The following DLGAP2 variants were observed in gnomAD, a reference collection of about 807,000 sequenced individuals.
DLGAP2 encodes disks large-associated protein 2.
A neutral mutation model predicts 100.3 loss-of-function variants in DLGAP2; 26 were observed. The ratio of observed to expected loss-of-function variants is 0.26; its 90% confidence interval spans 0.19 to 0.36. DLGAP2 has a LOEUF of 0.36. Ranked by LOEUF, DLGAP2 falls within the 10% of genes least tolerant of loss-of-function variation. DLGAP2 has a pLI of 1.00. For missense variants in DLGAP2, 1,858 were observed against 1,453.2 expected (o/e 1.28, Z -4.53); for synonymous variants, 886 against 630.1 (o/e 1.41, Z -6.08).
At chr8:931,976 T>C (rs1370959015) in intron 2 of DLGAP2, among the ~76,000 whole-genome samples, 2 of 152,226 alleles carry the variant, frequency 1.3e-5, no homozygotes, top group East Asian at 1.9e-4. Context: ...GTTTGCCTCA[T>C]GTACGTTTTA....
At chr8:766,092 G>A (rs1457016059) in intron 1 of DLGAP2, among the ~76,000 whole-genome samples, 4 of 152,124 alleles carry the variant, frequency 2.6e-5, no homozygotes, top group East Asian at 1.9e-4. Context: ...GCTTGAACCC[G>A]GGAAGCGGAG....
At chr8:780,504 G>T (rs1821654523) in intron 1 of DLGAP2, among the ~76,000 whole-genome samples, 1 of 152,116 alleles carries the variant, frequency 6.6e-6, no homozygotes, top group South Asian at 2.1e-4. Context: ...GGGATTGCTG[G>T]GTCTTGTGCT....
chr8:1,172,468 C>T (rs1797149683), intron 2 of DLGAP2, among the ~76,000 whole-genome samples: 1 of 152,152 alleles, frequency 6.6e-6, no homozygotes, highest in Non-Finnish European at 1.5e-5. Flanking sequence ...GGATAATATC[C>T]TGCAGAGTGT....
intron 2 of DLGAP2, among the ~76,000 whole-genome samples, chr8:1,156,415 C>T (rs1187893216): frequency 1.3e-5 from 2 of 152,212 alleles, no homozygotes; most frequent in African/African-American, 4.8e-5. Context: ...GGCCGTGGCA[C>T]ACACAGTGTC....
chr8:968,303 C>A (rs530155328), intron 2 of DLGAP2, among the ~76,000 whole-genome samples: 22 of 152,148 alleles, frequency 1.4e-4, no homozygotes, highest in African/African-American at 5.3e-4. Flanking sequence ...TTTCAGCTAC[C>A]GACCCACCTA....
In DLGAP2 at chr8:846,920, A is replaced by G. The variant is rs190408221; in HGVS notation, c.19-60992A>G. On this transcript the variant is annotated intron_variant, in intron 1 of 14. Transcript: ENST00000637795. ...GTTTAGGGTTATTCTATCCATCTTC[A>G]GACATGATACTAGCCTGTAATTCTT... 4.5e-3 allele frequency among the ~76,000 whole-genome samples: 690 copies of G among 152,324 alleles called. 1 individual carries two copies. Among genetic ancestry groups the G allele is most frequent in the Non-Finnish European group, 7.3e-3 (499 of 68,038 alleles).
chr8:1,385,541 G>A lies in DLGAP2; in HGVS notation c.107-115825G>A, dbSNP rs1179803562. On this transcript the variant is annotated intron_variant, in intron 3 of 14. Coordinates refer to ENST00000637795, the MANE Select transcript of DLGAP2 (RefSeq NM_001346810.2). ...CTGAGAACTTGGTGCACAATTACCC[G>A]GCCTGTGCCCGTCCCCTGAGAACTT... Among the ~76,000 whole-genome samples, 11 of 36,434 alleles carry A rather than the reference G, an allele frequency of 3.0e-4. 1 individual carries two copies. Among genetic ancestry groups the A allele is most frequent in the African/African-American group, 8.5e-4 (7 of 8,190 alleles). The allele number at this position is 36,434 out of a possible 152,430, so 23.9% of individuals were successfully genotyped here.
intron 2 of DLGAP2, among the ~76,000 whole-genome samples, chr8:1,231,462 C>T (rs761100914): frequency 1.1e-4 from 16 of 152,236 alleles, no homozygotes; most frequent in Non-Finnish European, 1.9e-4. Context: ...TACTGTTTGA[C>T]GCAGCAATCC....
chr8:1,438,506 G>T (rs544533283), intron 3 of DLGAP2, among the ~76,000 whole-genome samples: 18 of 152,306 alleles, frequency 1.2e-4, no homozygotes, highest in African/African-American at 4.1e-4. Flanking sequence ...CCATACGTAT[G>T]TAAGTGGTGA....
chr8:1,258,057 G>C (rs943179842), intron 2 of DLGAP2, among the ~76,000 whole-genome samples: 2 of 152,222 alleles, frequency 1.3e-5, no homozygotes, highest in Admixed American at 1.3e-4. Context: ...TGCTCCCAAA[G>C]TGTTTGTGTC....
chr8:1,535,340 G>A (rs932082408), intron 4 of DLGAP2, among the ~76,000 whole-genome samples: 7 of 152,186 alleles, frequency 4.6e-5, no homozygotes, highest in African/African-American at 7.2e-5. Flanking sequence ...GATTTCACAC[G>A]CCCTGAGAAA....
intron 2 of DLGAP2, among the ~76,000 whole-genome samples, chr8:947,225 G>A (rs941808887): frequency 1.3e-5 from 2 of 152,120 alleles, no homozygotes; most frequent in African/African-American, 4.8e-5. Flanking sequence ...GCATCTGCAG[G>A]GCTGCCCCAC....
intron 6 of DLGAP2, among the ~76,000 whole-genome samples, chr8:1,579,669 A>G (rs1375952422): frequency 6.6e-6 from 1 of 152,230 alleles, no homozygotes; most frequent in African/African-American, 2.4e-5. Flanking sequence ...ATCAATAACT[A>G]AAACGTTTGG....
Position 1,258,789 on chromosome 8 carries a change from C to G in DLGAP2, c.74-62C>G, listed in dbSNP as rs1378779344. On this transcript the variant is annotated intron_variant, in intron 2 of 14. Coordinates refer to ENST00000637795, the MANE Select transcript of DLGAP2 (RefSeq NM_001346810.2). Reference sequence around the variant, plus strand: ...AGTTTTGTTGTTGCTGATGTTGAATCTTTTTAACTGCATGGTTGAGACCCT... The same window carrying G: ...AGTTTTGTTGTTGCTGATGTTGAATGTTTTTAACTGCATGGTTGAGACCCT... 6 of 1,219,882 alleles carry G rather than the reference C, an allele frequency of 4.9e-6. No homozygotes were observed. The African/African-American group carries it at 6.2e-5, about 13-fold the overall frequency. 75.6% of individuals were successfully genotyped at this position (1,219,882 alleles called of 1,614,324 possible).
intron 2 of DLGAP2, among the ~76,000 whole-genome samples, chr8:1,048,099 G>C (rs1802565505): frequency 6.6e-6 from 1 of 152,162 alleles, no homozygotes; most frequent in Non-Finnish European, 1.5e-5. Context: ...GAAAGTATTT[G>C]ACCTTGTGAG....
intron 3 of DLGAP2, among the ~76,000 whole-genome samples, chr8:1,281,936 G>A (rs1799822005): frequency 1.3e-5 from 2 of 152,238 alleles, no homozygotes; most frequent in South Asian, 4.1e-4. Flanking sequence ...GCCGATGAAT[G>A]AGCATGCACC....
intron 4 of DLGAP2, among the ~76,000 whole-genome samples, chr8:1,540,793 C>T (rs946891498): frequency 1.3e-5 from 2 of 152,244 alleles, no homozygotes; most frequent in Admixed American, 6.5e-5. Flanking sequence ...GGCAACCATA[C>T]AACCATTTCT....
intron 2 of DLGAP2, among the ~76,000 whole-genome samples, chr8:1,013,426 G>T (rs1388178483): frequency 2.0e-5 from 3 of 152,168 alleles, no homozygotes; most frequent in African/African-American, 7.2e-5. Flanking sequence ...AGAAAGATGG[G>T]AGGTGCTGCT....
chr8:1,261,922 C>T (rs1005137320), intron 3 of DLGAP2, among the ~76,000 whole-genome samples: 15 of 152,172 alleles, frequency 9.9e-5, no homozygotes, highest in Non-Finnish European at 7.3e-5. Flanking sequence ...CTGGTGGCAG[C>T]GTGTGCGGCT....
Sources: allele counts gnomAD v4.1 joint callset (sites outside exome capture counted in the v4.1 genomes callset), GRCh38; gene constraint gnomAD v4.1.1; transcripts MANE v1.5; gene names NCBI Gene and HGNC (gene_info 2026-07-23, HGNC 2026-07-21).